NXN: variants seen among roughly 807,000 people sequenced by gnomAD.
NXN encodes the protein nucleoredoxin 1.
In NXN, 16 loss-of-function variants were observed where a neutral mutation model predicts 48.6. The ratio of observed to expected loss-of-function variants is 0.33; its 90% confidence interval spans 0.22 to 0.50. The LOEUF (loss-of-function observed/expected upper bound fraction) is 0.50, where lower values mean the gene tolerates loss of function less well. Among genes scored for constraint, NXN ranks in the 20% least tolerant of loss-of-function variants. The probability of loss-of-function intolerance (pLI) is 0.98; values close to 1 mark genes in which losing one functional copy is unlikely to be tolerated. For missense variants in NXN, 492 were observed against 605.5 expected (o/e 0.81, Z 1.97); for synonymous variants, 281 against 269.6 (o/e 1.04, Z -0.41).
At chr17:927,767 G>A (rs1198759227) in intron 1 of NXN, among the ~76,000 whole-genome samples, 1 of 152,022 alleles carries the variant, frequency 6.6e-6, no homozygotes, top group African/African-American at 2.4e-5. Context: ...CAGAGGCAGA[G>A]AACAAAAGGG....
At chr17:913,838 A>T (rs1012433626) in intron 1 of NXN, among the ~76,000 whole-genome samples, 2 of 152,216 alleles carry the variant, frequency 1.3e-5, no homozygotes, top group East Asian at 3.8e-4. Context: ...ACTTAAGTGC[A>T]AGGACATTCA....
chr17:805,905 C>T (rs1911469962), intron 5 of NXN, among the ~76,000 whole-genome samples: 1 of 152,120 alleles, frequency 6.6e-6, no homozygotes. Context: ...TCACTCACTG[C>T]TGGTCTCCCA....
chr17:942,215 G>C (rs1440349806), intron 1 of NXN, among the ~76,000 whole-genome samples: 1 of 141,834 alleles, frequency 7.1e-6, no homozygotes, highest in Admixed American at 6.9e-5. Context: ...TGGATTTACA[G>C]TGAACAAGAT....
rs534938028 is a variant in NXN at position 956,615 on chromosome 17, G to A, written c.360+22704C>T. On this transcript the variant is annotated intron_variant, in intron 1 of 7. Coordinates refer to ENST00000336868, the MANE Select transcript of NXN (RefSeq NM_022463.5). The surrounding 1 kb of genome is among the most constrained non-coding windows in gnomAD (Gnocchi z 4.1). The stretch of plus-strand genomic sequence containing the variant: ...TTTTTAGTAGCAATGGGGTTTCACC[G>A]TGTTAGCCAGGATGGTCTCGATCTC... Among the ~76,000 whole-genome samples the A allele has an allele frequency of 2.0e-5, 3 of 152,142 alleles. No homozygotes were observed. The highest frequency in any genetic ancestry group is 1.9e-4 in the East Asian group (1 of 5,164).
chr17:869,979 G>A (rs1249181960), intron 1 of NXN, among the ~76,000 whole-genome samples: 1 of 152,186 alleles, frequency 6.6e-6, no homozygotes, highest in Non-Finnish European at 1.5e-5. Context: ...TTTCAACCGG[G>A]GGGTGGTTGT....
At position 967,636 on chromosome 17, in the gene NXN, T is replaced by C. The variant is rs918327322; in HGVS notation, c.360+11683A>G. ...GCAAGGAAAAGCAGGGAAGGGAAACTATAGGTTAAAAGAGGCTTAAGGGAT... is the reference window on the plus strand; with the variant it reads ...GCAAGGAAAAGCAGGGAAGGGAAACCATAGGTTAAAAGAGGCTTAAGGGAT... On this transcript the variant is annotated intron_variant, in intron 1 of 7. Coordinates refer to ENST00000336868, the MANE Select transcript of NXN (RefSeq NM_022463.5). Among the ~76,000 whole-genome samples, 6 of 152,244 alleles carry C rather than the reference T, an allele frequency of 3.9e-5. No individual in the cohort carries two copies. The East Asian group carries it at 1.2e-3, about 29-fold the overall frequency.
rs2150638959 is a variant in NXN, at chr17:970,051, CT to C, written c.360+9267del. 1.3e-5 allele frequency among the ~76,000 whole-genome samples: 2 copies of C among 152,274 alleles called. 1 individual carries two copies. The highest frequency in any genetic ancestry group is 4.1e-4 in the South Asian group (2 of 4,830). ...AGCTTACGTTGTTTTTTTAAAAGGACTTTCTGATGTAGTTCATACAAAAATA... is the reference window on the plus strand; with the variant it reads ...AGCTTACGTTGTTTTTTTAAAAGGACTTCTGATGTAGTTCATACAAAAATA... On this transcript the variant is annotated intron_variant, in intron 1 of 7. Transcript: ENST00000336868.
intron 1 of NXN, among the ~76,000 whole-genome samples, chr17:941,874 C>T (rs867614612): frequency 4.7e-4 from 26 of 55,870 alleles, no homozygotes; most frequent in Admixed American, 1.0e-3. Flanking sequence ...GGATTTACAG[C>T]GAACAAGATT....
At chr17:867,487 G>A (rs1476841634) in intron 1 of NXN, among the ~76,000 whole-genome samples, 1 of 152,242 alleles carries the variant, frequency 6.6e-6, no homozygotes, top group African/African-American at 2.4e-5. Context: ...TCCTGTTGTT[G>A]AAGGAGAAGT....
intron 1 of NXN, chr17:929,891 A>G (rs934851776): frequency 1.3e-5 from 2 of 151,728 alleles, no homozygotes; most frequent in Admixed American, 1.3e-4. Flanking sequence ...TAAATTTTAA[A>G]GCTCTGCTCT....
rs7219651 is a variant in NXN, at chr17:932,017, G to A, written c.360+47302C>T. Among the ~76,000 whole-genome samples, 37,066 of 149,262 alleles carry A rather than the reference G, an allele frequency of 0.25. 5,135 individuals carry two copies. Among genetic ancestry groups the A allele is most frequent in the East Asian group, 0.41 (2,081 of 5,112 alleles). ...AAATTAGCCAGGTGTGGTGGTGGGT[G>A]CCTATAATCCCAGCTAATGGGGAGG... On this transcript the variant is annotated intron_variant, in intron 1 of 7. Coordinates refer to ENST00000336868, the MANE Select transcript of NXN (RefSeq NM_022463.5). This position sits in a 1 kb window ranked among gnomAD's most constrained non-coding sequence, Gnocchi z 4.1.
intron 1 of NXN, among the ~76,000 whole-genome samples, chr17:860,014 A>G (rs546198985): frequency 8.8e-4 from 134 of 152,294 alleles, no homozygotes; most frequent in Non-Finnish European, 1.6e-3. Flanking sequence ...GCAGTAAGGA[A>G]GTTGGAAAGG....
intron 1 of NXN, among the ~76,000 whole-genome samples, chr17:874,711 C>A (rs972443357): frequency 6.7e-6 from 1 of 148,400 alleles, no homozygotes; most frequent in African/African-American, 2.5e-5. Context: ...GGTGACAGAG[C>A]GAGACTCTGT....
chr17:881,362 G>C (rs1444746773), intron 1 of NXN, among the ~76,000 whole-genome samples: 3 of 152,208 alleles, frequency 2.0e-5, no homozygotes, highest in South Asian at 2.1e-4. Flanking sequence ...CAGCTTCCCG[G>C]GTAGCTGGGA....
chr17:925,288 CG>C (rs2068788208), intron 1 of NXN, among the ~76,000 whole-genome samples: 1 of 152,186 alleles, frequency 6.6e-6, no homozygotes, highest in Admixed American at 6.5e-5. Flanking sequence ...AGTCCAGTGA[CG>C]GGTACAAGGA....
intron 1 of NXN, among the ~76,000 whole-genome samples, chr17:966,377 C>T (rs1032724235): frequency 2.0e-5 from 3 of 151,722 alleles, no homozygotes; most frequent in South Asian, 2.1e-4. Context: ...GATGGAGTTT[C>T]GCTCTTGTTA....
At position 932,013 on chromosome 17, in the gene NXN, G is replaced by A. The variant is rs1200843445; in HGVS notation, c.360+47306C>T. Among the ~76,000 whole-genome samples the A allele has an allele frequency of 1.4e-5, 2 of 146,190 alleles. No individual in the cohort carries two copies. The highest frequency in any genetic ancestry group is 3.0e-5 in the Non-Finnish European group (2 of 67,540). Reference sequence around the variant, plus strand: ...ACAAAAATTAGCCAGGTGTGGTGGTGGGTGCCTATAATCCCAGCTAATGGG... The same window carrying A: ...ACAAAAATTAGCCAGGTGTGGTGGTAGGTGCCTATAATCCCAGCTAATGGG... On this transcript the variant is annotated intron_variant, in intron 1 of 7. Coordinates refer to ENST00000336868, the MANE Select transcript of NXN (RefSeq NM_022463.5). This position sits in a 1 kb window ranked among gnomAD's most constrained non-coding sequence, Gnocchi z 4.1.
intron 1 of NXN, among the ~76,000 whole-genome samples, chr17:966,327 C>G (rs1009008433): frequency 5.9e-5 from 9 of 151,866 alleles, no homozygotes; most frequent in African/African-American, 2.2e-4. Context: ...TTTAGCTCAT[C>G]AGCTATCACT....
At chr17:806,856 CAG>C (rs1015991594) in intron 5 of NXN, among the ~76,000 whole-genome samples, 173 of 152,238 alleles carry the variant, frequency 1.1e-3, no homozygotes, top group Admixed American at 7.2e-4. Flanking sequence ...GCTGATGTAT[CAG>C]GGAGTGGGTC....
Sources: gnomAD v4.1 joint callset for allele counts (sites outside exome capture counted in the v4.1 genomes callset) on GRCh38, gnomAD v4.1.1 for gene constraint, Gnocchi (gnomAD v3.1) non-coding constraint, MANE v1.5 for transcripts, NCBI Gene and HGNC (gene_info 2026-07-23, HGNC 2026-07-21) for gene names.